The following LYRM4 variants were observed in gnomAD, a reference collection of about 807,000 sequenced individuals.
LYRM4 encodes the protein LYR motif containing 4, also known as LYR motif-containing protein 4.
In LYRM4, 9 loss-of-function variants were observed where a neutral mutation model predicts 11.7. The ratio of observed to expected loss-of-function variants is 0.77; its 90% CI spans 0.46 to 1.34. LYRM4 has a LOEUF of 1.34. Ranked by LOEUF, LYRM4 falls within the 40% of genes most tolerant of loss-of-function variation. The pLI is 0.00. For missense variants in LYRM4, 133 were observed against 112.5 expected, an observed-to-expected ratio of 1.18 and a Z score of -0.82; for synonymous variants, 42 against 40.4, an observed-to-expected ratio of 1.04 and a Z score of -0.15.
chr6:5,043,618 T>C, the LYRM4 span, among the ~76,000 whole-genome samples: 12 of 152,312 alleles, frequency 7.9e-5, no homozygotes, highest in African/African-American at 2.9e-4. Context: ...CATTCCTTGA[T>C]CTGGAAAACC....
At chr6:5,115,473 G>A (rs902177660) in intron 2 of LYRM4, among the ~76,000 whole-genome samples, 1 of 152,176 alleles carries the variant, frequency 6.6e-6, no homozygotes, top group Non-Finnish European at 1.5e-5. Context: ...CTCCTGTTGT[G>A]TGGCCCTCTG....
the LYRM4 span, among the ~76,000 whole-genome samples, chr6:5,057,901 A>C: frequency 6.6e-6 from 1 of 151,728 alleles, no homozygotes; most frequent in African/African-American, 2.4e-5. Flanking sequence ...AGCTGGGTGC[A>C]CCACCACATG....
At chr6:5,162,821 A>G (rs1432986601) in intron 2 of LYRM4, among the ~76,000 whole-genome samples, 1 of 152,206 alleles carries the variant, frequency 6.6e-6, no homozygotes, top group Admixed American at 6.5e-5. Flanking sequence ...TTACATACAT[A>G]TTCTCTCATT....
At chr6:5,045,394 A>G in the LYRM4 span, among the ~76,000 whole-genome samples, 1 of 152,248 alleles carries the variant, frequency 6.6e-6, no homozygotes, top group Non-Finnish European at 1.5e-5. Flanking sequence ...ATTCCATTTT[A>G]TAGGGTACCA....
At chr6:5,113,485 C>G (rs547747241) in intron 2 of LYRM4, 1 of 319,578 alleles carries the variant, frequency 3.1e-6, no homozygotes, top group Admixed American at 4.0e-5. Context: ...AAGTTATAGA[C>G]GGGCAGCCAG....
At chr6:5,085,383 G>A in the LYRM4 span, 1 of 829,502 alleles carries the variant, frequency 1.2e-6, no homozygotes, top group South Asian at 1.8e-5. Context: ...CGGGGAGGGC[G>A]AGCCTGAACT....
intron 1 of LYRM4, chr6:5,218,176 G>T: frequency 1.2e-6 from 1 of 852,826 alleles, no homozygotes. Flanking sequence ...CAAGGAGCTA[G>T]GATTACAAGC....
chr6:5,223,611 CTAACTTTTCAACTCTG>C (rs1762713490), intron 1 of LYRM4, among the ~76,000 whole-genome samples: 1 of 152,202 alleles, frequency 6.6e-6, no homozygotes. Flanking sequence ...AAAAGGTCAT[CTAACTTTTCAACTCTG>C]CTTCAAGTGT....
downstream of LYRM4, among the ~76,000 whole-genome samples, chr6:5,098,840 T>A (rs995556940): frequency 6.6e-6 from 1 of 152,198 alleles, no homozygotes; most frequent in African/African-American, 2.4e-5. Context: ...TAGGTACTCA[T>A]AGGATGTGAT....
At chr6:5,228,861 G>A (rs966518707) in intron 1 of LYRM4, among the ~76,000 whole-genome samples, 14 of 151,094 alleles carry the variant, frequency 9.3e-5, no homozygotes, top group Admixed American at 4.0e-4. Context: ...AAAATTAGCC[G>A]GGCGTGGTGG....
intron 2 of LYRM4, among the ~76,000 whole-genome samples, chr6:5,145,211 C>T (rs913902109): frequency 8.5e-5 from 13 of 152,190 alleles, no homozygotes; most frequent in South Asian, 2.1e-4. Context: ...GCAAGCTTCT[C>T]CTGCCCCTTT....
the LYRM4 span, chr6:5,085,212 C>A: frequency 4.5e-6 from 2 of 441,406 alleles, no homozygotes. Context: ...CCGCCCCCGG[C>A]CCTCCCCCGT....
the LYRM4 span, among the ~76,000 whole-genome samples, chr6:5,072,376 C>T: frequency 6.6e-6 from 1 of 152,002 alleles, no homozygotes; most frequent in Non-Finnish European, 1.5e-5. Context: ...GGTATTTCTG[C>T]TTCTAGGTCT....
chr6:5,044,917 G>T, the LYRM4 span, among the ~76,000 whole-genome samples: 1 of 152,234 alleles, frequency 6.6e-6, no homozygotes, highest in Non-Finnish European at 1.5e-5. Context: ...ACGCAGGAAA[G>T]TGAGAGCTTC....
chr6:5,104,068 A>G (rs1762587668), downstream of LYRM4: 1 of 151,958 alleles, frequency 6.6e-6, no homozygotes, highest in African/African-American at 2.4e-5. Context: ...TTTTATTTTC[A>G]GTCTTAGAAA....
the LYRM4 span, among the ~76,000 whole-genome samples, chr6:5,069,243 C>A: frequency 1.3e-5 from 2 of 152,092 alleles, no homozygotes; most frequent in African/African-American, 4.8e-5. Context: ...TTATTAAGGA[C>A]CCCAAAGACC....
chr6:5,187,498 C>A (rs867379551), intron 2 of LYRM4, among the ~76,000 whole-genome samples: 1 of 152,078 alleles, frequency 6.6e-6, no homozygotes, highest in East Asian at 1.9e-4. Context: ...CAAACTATCA[C>A]AATGACAGAA....
At chr6:5,068,261 G>A in the LYRM4 span, among the ~76,000 whole-genome samples, 6 of 152,292 alleles carry the variant, frequency 3.9e-5, no homozygotes, top group South Asian at 2.1e-4. This position sits in a 1 kb window ranked among gnomAD's most constrained non-coding sequence, Gnocchi z 4.0. Flanking sequence ...ATCAACCATC[G>A]TCCGCTGGGG....
the LYRM4 span, chr6:5,066,833 C>T: frequency 1.9e-5 from 15 of 790,354 alleles, no homozygotes; most frequent in South Asian, 1.7e-4. Context: ...CCGGCCACAG[C>T]TGCGGAGAGG....
Sources: allele counts gnomAD v4.1 joint callset (sites outside exome capture counted in the v4.1 genomes callset), GRCh38; gene constraint gnomAD v4.1.1; non-coding constraint Gnocchi (gnomAD v3.1); transcripts MANE v1.5; gene names NCBI Gene and HGNC (gene_info 2026-07-23, HGNC 2026-07-21).